ITPR1: variants seen among roughly 807,000 people sequenced by gnomAD.
ITPR1 encodes inositol 1,4,5-trisphosphate receptor type 1, also known as inositol 1,4,5-trisphosphate-gated calcium channel ITPR1.
ITPR1 carries 96 observed loss-of-function variants against 318.4 expected under a neutral mutation model. The ratio of observed to expected loss-of-function variants is 0.30; its 90% CI spans 0.26 to 0.36. The LOEUF (loss-of-function observed/expected upper bound fraction) is 0.36. ITPR1 is among the 10% of genes least tolerant of loss of function. The pLI is 1.00. For missense variants in ITPR1, 2,440 were observed against 3,460.2 expected, an observed-to-expected ratio of 0.71 and a Z score of 7.40; for synonymous variants, 1,312 against 1,289.9, an observed-to-expected ratio of 1.02 and a Z score of -0.37.
Position 4,814,573 on chromosome 3 carries a change from C to A in ITPR1, c.7701+11C>A. 1 of 1,587,172 alleles carries A rather than the reference C, an allele frequency of 6.3e-7. No homozygotes were observed. Among genetic ancestry groups the A allele is most frequent in the South Asian group, 1.1e-5 (1 of 90,028 alleles). On this transcript the variant is annotated intron_variant, in intron 58 of 61. Coordinates refer to ENST00000649015, the MANE Select transcript of ITPR1 (RefSeq NM_001378452.1). ...AAGCCGTCCAAAGAGGTAAATTAAT[C>A]CCGAGGGGAAGGAAGGGCAAAGGGG...
chr3:4,600,484 T>TTGTGTG (rs34131722), intron 4 of ITPR1, among the ~76,000 whole-genome samples: 5 of 150,488 alleles, frequency 3.3e-5, no homozygotes, highest in South Asian at 2.1e-4. Context: ...CCTTCCTGTT[T>TTGTGTG]TGTGTGTGTG....
intron 40 of ITPR1, among the ~76,000 whole-genome samples, chr3:4,721,172 G>GTATATATATATATATATATATATATATA (rs5846332): frequency 1.0e-4 from 13 of 125,050 alleles, no homozygotes; most frequent in Non-Finnish European, 1.4e-4. Flanking sequence ...GTGTGTGCGT[G>GTATATATATATATATATATATATATATA]TATATATATA....
chr3:4,663,104 C>T lies in ITPR1; in HGVS notation c.1452C>T (p.Val484=). Residue 484 remains valine (V), a synonymous_variant, in exon 16 of 62, where the codon GTC becomes GTT. Transcript: ENST00000649015. Reference sequence around the variant, plus strand: ...TGCTAGAAGATTTGGTTTACTTCGTCACTGGTGGAACTAATTCTGGTCAAG... The same window carrying T: ...TGCTAGAAGATTTGGTTTACTTCGTTACTGGTGGAACTAATTCTGGTCAAG... ...TKLLEDLVYF[V]TGGTNSGQDV... 6.2e-7 allele frequency: 1 copy of T among 1,613,730 alleles called. No homozygotes were observed. Among genetic ancestry groups the T allele is most frequent in the Non-Finnish European group, 8.5e-7 (1 of 1,179,722 alleles).
In ITPR1 at chr3:4,683,650, A is replaced by G. The variant is rs1259425899; in HGVS notation, c.3350A>G (p.Gln1117Arg). Residue 1117 changes from glutamine to arginine, a missense_variant, in exon 28 of 62, where the codon CAA becomes CGA. Physicochemically the swap from Gln to Arg is conservative, Grantham distance 43 (BLOSUM62 1). Transcript: ENST00000649015. ...AAGGTTCAACTGCTGGTTACCAGCC[A>G]AGATGTGGACAACTACAAACAGATC... is the stretch of plus-strand genomic sequence containing the variant. ...FKQVQLLVTS[Q>R]DVDNYKQIKQ... The G allele has an allele frequency of 6.2e-7, 1 of 1,614,100 alleles. No homozygotes were observed. The highest frequency in any genetic ancestry group is 1.1e-5 in the South Asian group (1 of 91,086).
chr3:4,724,037 A>T (rs1414495851), intron 40 of ITPR1, among the ~76,000 whole-genome samples: 1 of 152,172 alleles, frequency 6.6e-6, no homozygotes, highest in Non-Finnish European at 1.5e-5. Flanking sequence ...TTTTGAAAAT[A>T]CCTTTACCTG....
Position 4,674,294 on chromosome 3 carries a change from G to A in ITPR1, c.2549G>A (p.Cys850Tyr). ...FVEEYLRDVV[C>Y]QRFPFSDKEK... ...GAGGAGTATTTAAGAGATGTGGTTT[G>A]TCAGAGGTTCCCTTTCTCTGATAAA... The change falls in exon 22 of 62, where the codon TGT (cysteine) becomes TAT (tyrosine). Residue 850 changes from cysteine (C) to tyrosine (Y), a missense_variant. Cys to Tyr is a radical substitution (Grantham distance 194, BLOSUM62 -2). Around this residue, in one of 23 missense-constraint regions of ITPR1, gnomAD observed 478 missense variants for 696.3 expected, o/e 0.69. Transcript: ENST00000649015. 6.2e-7 allele frequency: 1 copy of A among 1,602,576 alleles called. No homozygotes were observed. Among genetic ancestry groups the A allele is most frequent in the Non-Finnish European group, 8.5e-7 (1 of 1,173,624 alleles).
intron 36 of ITPR1, among the ~76,000 whole-genome samples, chr3:4,703,626 A>G (rs1437194744): frequency 6.6e-6 from 1 of 152,190 alleles, no homozygotes; most frequent in Admixed American, 6.5e-5. Context: ...CCTTGCAGAC[A>G]GTAACAAGAA....
intron 13 of ITPR1, 51 bp downstream of exon 13, chr3:4,658,329 G>C: frequency 6.8e-7 from 1 of 1,471,626 alleles, no homozygotes; most frequent in South Asian, 1.3e-5. Flanking sequence ...GGTGTAGGTG[G>C]CCTGACCAGG....
intron 4 of ITPR1, among the ~76,000 whole-genome samples, chr3:4,622,519 G>A (rs952895923): frequency 6.6e-6 from 1 of 150,884 alleles, no homozygotes; most frequent in Admixed American, 6.6e-5. Context: ...CGCCTCCCGG[G>A]TTCAAGTGGT....
intron 35 of ITPR1, among the ~76,000 whole-genome samples, chr3:4,700,653 G>C (rs992476979): frequency 1.3e-5 from 2 of 152,222 alleles, no homozygotes; most frequent in African/African-American, 4.8e-5. Flanking sequence ...GAAAAAAGCA[G>C]ATGGTGAGCC....
rs542880526 is a variant in ITPR1 at position 4,787,848 on chromosome 3, A to T, written c.6616-99A>T. On this transcript the variant is annotated intron_variant, in intron 51 of 61. Coordinates refer to ENST00000649015, the MANE Select transcript of ITPR1 (RefSeq NM_001378452.1). The stretch of plus-strand genomic sequence containing the variant: ...GGGTTATAAAATCAGAGATCATATT[A>T]TACTCAATCTTGACCACCGAGTCTA... 303 of 777,672 alleles carry T rather than the reference A, an allele frequency of 3.9e-4. 1 individual carries two copies. The African/African-American group carries it at 5.1e-3, about 13-fold the overall frequency. 48.2% of individuals were successfully genotyped at this position (777,672 alleles called of 1,614,324 possible).
intron 44 of ITPR1, among the ~76,000 whole-genome samples, 190 bp from the exon 45 acceptor site, chr3:4,766,340 G>A (rs2045817227): frequency 6.6e-6 from 1 of 152,212 alleles, no homozygotes. Flanking sequence ...CAAAGGCTCT[G>A]TGTTGAAAAC....
chr3:4,552,193 A>T (rs779896147), intron 4 of ITPR1, among the ~76,000 whole-genome samples: 11 of 152,222 alleles, frequency 7.2e-5, no homozygotes, highest in Non-Finnish European at 1.2e-4. Flanking sequence ...TCTCCCCATC[A>T]CCAAGCAAGC....
chr3:4,525,776 G>A (rs746272499), intron 4 of ITPR1, among the ~76,000 whole-genome samples: 3 of 152,088 alleles, frequency 2.0e-5, no homozygotes, highest in Non-Finnish European at 4.4e-5. Context: ...ATTGAAACAG[G>A]GAATAGAAAC....
intron 4 of ITPR1, among the ~76,000 whole-genome samples, chr3:4,611,754 C>T (rs569794046): frequency 3.3e-5 from 5 of 151,970 alleles, no homozygotes; most frequent in East Asian, 3.9e-4. Context: ...AAAAAATAAA[C>T]GAAAATAAAC....
At chr3:4,524,065 G>A (rs988963469) in intron 4 of ITPR1, among the ~76,000 whole-genome samples, 4 of 152,180 alleles carry the variant, frequency 2.6e-5, no homozygotes, top group African/African-American at 7.2e-5. Context: ...GTCCTTGTGG[G>A]AAAATCTGGT....
chr3:4,847,196 A>G lies in ITPR1; in HGVS notation c.*971A>G, dbSNP rs190654621. On this transcript the variant is annotated 3_prime_UTR_variant, in exon 62 of 62. Coordinates refer to ENST00000649015, the MANE Select transcript of ITPR1 (RefSeq NM_001378452.1). ...AGAAGTATTAAAACTATATACATCC[A>G]TATAAAGATGAAATATGAACTATCT... 6.3e-4 allele frequency: 96 copies of G among 152,768 alleles called. No individual in the cohort carries two copies. The highest frequency in any genetic ancestry group is 1.9e-3 in the African/African-American group (79 of 41,586). The allele number at this position is 152,768 out of a possible 1,614,324, so 9.5% of individuals were successfully genotyped here.
In ITPR1 at chr3:4,806,323, T is replaced by C. The variant is rs1317236084; in HGVS notation, c.7272+56T>C. The C allele has an allele frequency of 4.7e-6, 7 of 1,494,674 alleles. No individual in the cohort carries two copies. In the East Asian group the frequency reaches 1.4e-4, roughly 29 times the overall value. The allele number at this position is 1,494,674 out of a possible 1,614,324, so 92.6% of individuals were successfully genotyped here. On this transcript the variant is annotated intron_variant, in intron 55 of 61. Transcript: ENST00000649015. The stretch of plus-strand genomic sequence containing the variant: ...GTGGGGAAACTAGGAGAGTGTCCTA[T>C]GTCCTCTCTCTCATCACAGACCCTT...
intron 54 of ITPR1, among the ~76,000 whole-genome samples, chr3:4,804,844 C>G (rs1012019545): frequency 2.0e-5 from 3 of 152,126 alleles, no homozygotes; most frequent in Non-Finnish European, 2.9e-5. Flanking sequence ...ATCTGATTGC[C>G]GAGAAGCTCA....
Sources: gnomAD v4.1 joint callset for allele counts (sites outside exome capture counted in the v4.1 genomes callset) on GRCh38, gnomAD v4.1.1 for gene constraint, gnomAD v4.1.1 regional missense constraint, MANE v1.5 for transcripts, NCBI Gene and HGNC (gene_info 2026-07-23, HGNC 2026-07-21) for gene names.